The following RFC1 variants were observed in gnomAD, a reference collection of about 807,000 sequenced individuals.
RFC1 encodes the protein replication factor C subunit 1, also known as A1 140 kDa subunit.
In RFC1, 37 loss-of-function variants were observed where a neutral mutation model predicts 137.4. The observed-to-expected ratio is 0.27, with a 90% CI of 0.21 to 0.35. The LOEUF (loss-of-function observed/expected upper bound fraction) is 0.35, where lower values mean the gene tolerates loss of function less well. Among genes scored for constraint, RFC1 ranks in the 10% least tolerant of loss-of-function variants. The pLI, the probability that RFC1 is intolerant of heterozygous loss-of-function variation, is 1.00. For synonymous variants in RFC1, 429 were observed against 455.7 expected, an observed-to-expected ratio of 0.94 and a Z score of 0.75; for missense variants, 1,205 against 1,358.5, an observed-to-expected ratio of 0.89 and a Z score of 1.78.
intron 12 of RFC1, among the ~76,000 whole-genome samples, chr4:39,310,159 A>C (rs17288377): frequency 1.1e-4 from 16 of 152,232 alleles, no homozygotes; most frequent in Non-Finnish European, 1.9e-4. Context: ...AATCATGAGA[A>C]AACATCACAG....
rs531470012 is a variant in RFC1 at position 39,288,870 on chromosome 4, G to T, written c.3361-26C>A. 5.9e-6 allele frequency: 8 copies of T among 1,353,964 alleles called. No homozygotes were observed. In the South Asian group the frequency reaches 9.6e-5, roughly 16 times the overall value. 83.9% of individuals were successfully genotyped at this position (1,353,964 alleles called of 1,614,324 possible). On this transcript the variant is annotated intron_variant, in intron 24 of 24. Coordinates refer to ENST00000349703, the MANE Select transcript of RFC1 (RefSeq NM_002913.5). ...CTGTTAGGGGGAAGATAACAAAATA[G>T]TTAATAGCTGTGTTTATGAGTAAAT... is the stretch of plus-strand genomic sequence containing the variant.
intron 21 of RFC1, among the ~76,000 whole-genome samples, chr4:39,299,028 TTGTGGGTTTACG>T (rs1167707418): frequency 2.6e-5 from 4 of 152,024 alleles, no homozygotes; most frequent in Non-Finnish European, 5.9e-5. Context: ...CACTGGAAGG[TTGTGGGTTTACG>T]GGAATGAGGG....
intron 21 of RFC1, among the ~76,000 whole-genome samples, chr4:39,298,306 T>C (rs1578106949): frequency 1.1e-4 from 1 of 8,758 alleles, no homozygotes. Flanking sequence ...AGACCTTGTC[T>C]CAAAAAAAAA....
At chr4:39,345,329 T>C (rs1445890180) in intron 3 of RFC1, 72 bp downstream of exon 3, 9 of 1,302,664 alleles carry the variant, frequency 6.9e-6, no homozygotes, top group East Asian at 2.3e-5. Context: ...CCTTAGAACA[T>C]AGTTTAAAGC....
At chr4:39,302,705 G>A in intron 17 of RFC1, 32 bp downstream of exon 17, 1 of 1,548,174 alleles carries the variant, frequency 6.5e-7, no homozygotes, top group Non-Finnish European at 8.7e-7. Flanking sequence ...AAATAGGCTA[G>A]TGTGATGGAA....
intron 5 of RFC1, 56 bp from the exon 6 acceptor site, chr4:39,326,696 G>A: frequency 7.1e-7 from 1 of 1,417,300 alleles, no homozygotes; most frequent in South Asian, 1.2e-5. Context: ...TAAAAATAAG[G>A]CACTTTTTCT....
At position 39,303,134 on chromosome 4, in the gene RFC1, C is replaced by G. The variant is rs747438761; in HGVS notation, c.2128G>C (p.Val710Leu). 1.3e-5 allele frequency: 21 copies of G among 1,613,458 alleles called. No individual in the cohort carries two copies. The highest frequency in any genetic ancestry group is 1.6e-5 in the Non-Finnish European group (19 of 1,179,638). Residue 710 changes from valine to leucine, a missense_variant, in exon 16 of 25, where the codon GTA (valine) becomes CTA (leucine). Transcript: ENST00000349703. ...ATGATGAGAGCATGTTTCGTGCTTA[C>G]TGAAGAGGCTGCTCCATCTGACCCA... ...GFYSNGAASS[V>L]STKHALIMDE... is the part of the protein sequence containing the mutation.
chr4:39,306,488 CCA>C (rs3830271), intron 14 of RFC1, 102 bp downstream of exon 14: 21 of 585,438 alleles, frequency 3.6e-5, no homozygotes, highest in Admixed American at 6.2e-5. Context: ...TATATAGACA[CCA>C]CACACACACA....
At chr4:39,307,745 AC>A (rs908483145) in intron 13 of RFC1, among the ~76,000 whole-genome samples, 189 of 151,612 alleles carry the variant, frequency 1.2e-3, no homozygotes, top group Non-Finnish European at 7.4e-4. Context: ...CAAAAAAAAA[AC>A]AGTCTTCTCC....
rs1292187854 is a variant in RFC1 at position 39,303,124 on chromosome 4, T to C, written c.2138A>G (p.Lys713Arg). ...SNGAASSVSTKHALIMDEVDG... is the reference protein window; with the variant it reads ...SNGAASSVSTRHALIMDEVDG... ...TACTTCATCCATGATGAGAGCATGTTTCGTGCTTACTGAAGAGGCTGCTCC... is the reference window on the plus strand; with the variant it reads ...TACTTCATCCATGATGAGAGCATGTCTCGTGCTTACTGAAGAGGCTGCTCC... The change falls in exon 16 of 25, where the codon AAA becomes AGA. Residue 713 changes from lysine (K) to arginine (R), a missense_variant. By Grantham distance (26) the Lys-to-Arg change is conservative. This residue lies in a region of RFC1 where 962 missense variants were observed against 1,035.3 expected (regional missense o/e 0.93). Transcript: ENST00000349703. 3 of 1,613,806 alleles carry C rather than the reference T, an allele frequency of 1.9e-6. No homozygotes were observed. Among genetic ancestry groups the C allele is most frequent in the Non-Finnish European group, 1.7e-6 (2 of 1,179,904 alleles).
intron 6 of RFC1, among the ~76,000 whole-genome samples, chr4:39,325,880 G>T (rs899990312): frequency 3.3e-5 from 5 of 152,126 alleles, no homozygotes; most frequent in South Asian, 2.1e-4. Flanking sequence ...CATCATCGAA[G>T]CCAAAGTAAT....
chr4:39,296,233 ACTTT>A (rs1244427218), intron 21 of RFC1, among the ~76,000 whole-genome samples: 1 of 139,574 alleles, frequency 7.2e-6, no homozygotes. Context: ...CAGGGTTTTC[ACTTT>A]CTTTTTTTTT....
chr4:39,309,438 A>G (rs891722849), intron 12 of RFC1, among the ~76,000 whole-genome samples: 1 of 152,238 alleles, frequency 6.6e-6, no homozygotes, highest in Admixed American at 6.5e-5. Flanking sequence ...ATGTCCATCA[A>G]CTGAAAAAGA....
In RFC1 at chr4:39,321,277, C is replaced by T; in HGVS notation, c.808+10G>A. 6.2e-7 allele frequency: 1 copy of T among 1,601,600 alleles called. No homozygotes were observed. Reference sequence around the variant, plus strand: ...AAGTGCTCCATCTTACTTTTTTCTGCTAGTATTACCTTTATGAGGATATTT... The same window carrying T: ...AAGTGCTCCATCTTACTTTTTTCTGTTAGTATTACCTTTATGAGGATATTT... On this transcript the variant is annotated intron_variant, in intron 8 of 24. Transcript: ENST00000349703.
At chr4:39,335,933 T>C (rs1330274081) in intron 4 of RFC1, among the ~76,000 whole-genome samples, 3 of 152,206 alleles carry the variant, frequency 2.0e-5, no homozygotes, top group African/African-American at 7.2e-5. Context: ...CCTACTTCCT[T>C]GGCATTCAGG....
chr4:39,345,285 G>A (rs973782747), intron 3 of RFC1, 116 bp downstream of exon 3: 46 of 765,682 alleles, frequency 6.0e-5, no homozygotes, highest in Non-Finnish European at 8.5e-5. Flanking sequence ...AAAGTGCTGC[G>A]ATTGCGATTA....
chr4:39,326,186 C>T (rs1371836070), intron 6 of RFC1, among the ~76,000 whole-genome samples: 2 of 152,052 alleles, frequency 1.3e-5, no homozygotes, highest in Admixed American at 1.3e-4. Flanking sequence ...GGCAACAAAG[C>T]GAGACTCTGT....
At chr4:39,348,474 G>GAAAAGAAA (rs1741018503) in intron 2 of RFC1, among the ~76,000 whole-genome samples, 1 of 139,638 alleles carries the variant, frequency 7.2e-6, no homozygotes, top group South Asian at 2.4e-4. Context: ...GAAAAGAAAA[G>GAAAAGAAA]AAAAGAAAAA....
chr4:39,340,543 C>T (rs73139861), intron 4 of RFC1, among the ~76,000 whole-genome samples: 2,697 of 152,164 alleles, frequency 0.018, 75 homozygotes, highest in African/African-American at 0.062. Flanking sequence ...TGGTTTTAGC[C>T]TAACGTAAAG....
Sources: allele counts gnomAD v4.1 joint callset (sites outside exome capture counted in the v4.1 genomes callset), GRCh38; gene constraint gnomAD v4.1.1; regional missense constraint gnomAD v4.1.1; transcripts MANE v1.5; gene names NCBI Gene and HGNC (gene_info 2026-07-23, HGNC 2026-07-21).